MAST4: variants seen among roughly 807,000 people sequenced by gnomAD.
MAST4 encodes microtubule associated serine/threonine kinase family member 4, also known as microtubule-associated serine/threonine-protein kinase 4.
MAST4 carries 89 observed loss-of-function variants against 162.7 expected under a neutral mutation model. The observed-to-expected ratio is 0.55, with a 90% CI of 0.46 to 0.65. The LOEUF (loss-of-function observed/expected upper bound fraction) is 0.65, where lower values mean the gene tolerates loss of function less well. MAST4 is among the 30% of genes least tolerant of loss of function. The pLI, the probability that MAST4 is intolerant of heterozygous loss-of-function variation, is 0.00. For synonymous variants in MAST4, 1,479 were observed against 1,361.1 expected (o/e 1.09, Z -1.91); for missense variants, 3,153 against 3,374.0 (o/e 0.93, Z 1.62).
At chr5:66,987,791 G>A (rs1478520693) in intron 4 of MAST4, among the ~76,000 whole-genome samples, 1 of 152,056 alleles carries the variant, frequency 6.6e-6, no homozygotes, top group Non-Finnish European at 1.5e-5. Flanking sequence ...ATAAACTAAT[G>A]AGCCCCATCC....
Position 67,166,326 on chromosome 5 carries a change from G to A in MAST4, c.7147G>A (p.Glu2383Lys), listed in dbSNP as rs748107255. The A allele has an allele frequency of 5.6e-6, 9 of 1,594,502 alleles. No individual in the cohort carries two copies. The highest frequency in any genetic ancestry group is 7.7e-6 in the Non-Finnish European group (9 of 1,170,214). The change falls in exon 29 of 29, where the codon GAG becomes AAG. Residue 2383 changes from glutamate (E) to lysine (K), a missense_variant. Around this residue, in one of 7 missense-constraint regions of MAST4, gnomAD observed 1,644 missense variants for 1,495.0 expected, o/e 1.10. Transcript: ENST00000403625. ...KCTEALYAPA[E>K]GDKLEAGLSF... The stretch of plus-strand genomic sequence containing the variant: ...CACTGAAGCACTTTATGCTCCAGCA[G>A]AGGGCGACAAGCTCGAGGCCGGCCT...
chr5:66,994,230 C>T (rs2150291160), intron 4 of MAST4, among the ~76,000 whole-genome samples: 1 of 152,168 alleles, frequency 6.6e-6, no homozygotes, highest in African/African-American at 2.4e-5. Flanking sequence ...ATCTATTGTT[C>T]CTTTATCATT....
At position 67,163,887 on chromosome 5, in the gene MAST4, G is replaced by T; in HGVS notation, c.4708G>T (p.Glu1570Ter). ...GGAAAACTTTGCTCTGTTTAAGCTG[G>T]AAGAGAGAGAGAAGAAAGTCTATCC... ...DLENFALFKLEEREKKVYPKA... is the reference protein window; with the variant it reads ...DLENFALFKL Residue 1570 changes from glutamate to a stop codon, truncating the protein, a stop_gained, in exon 29 of 29, where the codon GAA becomes TAA. Transcript: ENST00000403625. LOFTEE classifies it low-confidence loss of function (END_TRUNC). The surrounding 1 kb of genome is among the most constrained non-coding windows in gnomAD (Gnocchi z 7.0). 1 of 1,614,028 alleles carries T rather than the reference G, an allele frequency of 6.2e-7. No homozygotes were observed. The highest frequency in any genetic ancestry group is 8.5e-7 in the Non-Finnish European group (1 of 1,179,888).
intron 1 of MAST4, among the ~76,000 whole-genome samples, chr5:66,693,565 T>G (rs1311871719): frequency 1.0e-5 from 1 of 99,806 alleles, no homozygotes; most frequent in Non-Finnish European, 2.0e-5. Context: ...GAAGATTTGT[T>G]AAATGCCTGC....
intron 19 of MAST4, among the ~76,000 whole-genome samples, chr5:67,139,431 C>T (rs1770096433): frequency 1.3e-5 from 2 of 152,302 alleles, no homozygotes; most frequent in Admixed American, 1.3e-4. Flanking sequence ...GCTACTGGAA[C>T]TACACTTTTG....
intron 4 of MAST4, among the ~76,000 whole-genome samples, chr5:66,911,182 G>A (rs537642931): frequency 5.9e-5 from 9 of 152,292 alleles, no homozygotes; most frequent in Admixed American, 3.9e-4. Context: ...CCCAGTGGCC[G>A]TGTGAGCTCT....
At chr5:67,080,023 A>G (rs536420551) in intron 5 of MAST4, among the ~76,000 whole-genome samples, 29 of 152,318 alleles carry the variant, frequency 1.9e-4, no homozygotes, top group Admixed American at 1.7e-3. Flanking sequence ...TAGAGTCGTC[A>G]CACCTGACCT....
chr5:66,740,021 G>T (rs1442622538), intron 1 of MAST4, among the ~76,000 whole-genome samples: 1 of 152,166 alleles, frequency 6.6e-6, no homozygotes, highest in Non-Finnish European at 1.5e-5. Flanking sequence ...GGGAATGTTG[G>T]GAGGTAGTGA....
At chr5:66,605,688 A>G (rs1742837423) in intron 1 of MAST4, among the ~76,000 whole-genome samples, 1 of 152,172 alleles carries the variant, frequency 6.6e-6, no homozygotes, top group African/African-American at 2.4e-5. Context: ...ACAGTCCCCA[A>G]AGAGCCTGTA....
chr5:66,719,994 T>C (rs1244663926), intron 1 of MAST4, among the ~76,000 whole-genome samples: 1 of 152,218 alleles, frequency 6.6e-6, no homozygotes, highest in East Asian at 1.9e-4. Context: ...GATATTCTTG[T>C]TCAAATGTAA....
At chr5:67,082,147 CTTTTTT>C (rs60811351) in intron 5 of MAST4, among the ~76,000 whole-genome samples, 1 of 125,780 alleles carries the variant, frequency 8.0e-6, no homozygotes, top group African/African-American at 3.1e-5. Context: ...TACCTGTAAT[CTTTTTT>C]TTTTTTTTTT....
intron 4 of MAST4, among the ~76,000 whole-genome samples, chr5:66,950,657 G>A (rs1009489633): frequency 2.6e-5 from 4 of 152,088 alleles, no homozygotes; most frequent in African/African-American, 9.7e-5. Flanking sequence ...TATTGTATGG[G>A]TAATACCACA....
chr5:66,730,200 C>G (rs1751755392), intron 1 of MAST4, among the ~76,000 whole-genome samples: 1 of 152,164 alleles, frequency 6.6e-6, no homozygotes, highest in South Asian at 2.1e-4. Context: ...AGATTTTACA[C>G]ATGAAGAAAA....
intron 3 of MAST4, among the ~76,000 whole-genome samples, chr5:66,879,078 G>A (rs771969610): frequency 3.3e-5 from 5 of 152,170 alleles, no homozygotes; most frequent in African/African-American, 4.8e-5. Context: ...AGGAGATGGC[G>A]ACCATCCTGG....
At chr5:66,607,004 C>A (rs1742936861) in intron 1 of MAST4, among the ~76,000 whole-genome samples, 2 of 151,828 alleles carry the variant, frequency 1.3e-5, no homozygotes, top group Admixed American at 1.3e-4. Context: ...CATTTTCACA[C>A]AAGCCTTTTT....
At chr5:66,949,263 T>C (rs148955658) in intron 4 of MAST4, among the ~76,000 whole-genome samples, 167 of 152,230 alleles carry the variant, frequency 1.1e-3, no homozygotes, top group African/African-American at 3.9e-3. Context: ...GGCAATGATA[T>C]GGTTTTGTCC....
rs371690918 is a variant in MAST4 at position 67,100,554 on chromosome 5, C to G, written c.1032C>G (p.Cys344Trp). Residue 344 changes from cysteine (C) to tryptophan (W), a missense_variant, in exon 8 of 29, where the codon TGC becomes TGG. By Grantham distance (215) the Cys-to-Trp change is radical. Transcript: ENST00000403625. ...TTESIATENRCRNTPMRPRSR... is the reference protein window; with the variant it reads ...TTESIATENRWRNTPMRPRSR... ...AAAGCATCGCCACTGAGAACAGATG[C>G]AGGAACACGCCGATGCGCCCCCGTT... 38 of 1,613,834 alleles carry G rather than the reference C, an allele frequency of 2.4e-5. No homozygotes were observed. The highest frequency in any genetic ancestry group is 3.2e-5 in the Non-Finnish European group (38 of 1,179,856).
chr5:66,808,439 G>T, intron 3 of MAST4, among the ~76,000 whole-genome samples: 1 of 151,274 alleles, frequency 6.6e-6, no homozygotes. Flanking sequence ...GTTTTTTTTT[G>T]GTTCAGAATA....
At chr5:67,076,108 A>C (rs1761615407) in intron 5 of MAST4, among the ~76,000 whole-genome samples, 1 of 152,106 alleles carries the variant, frequency 6.6e-6, no homozygotes, top group Non-Finnish European at 1.5e-5. Context: ...AGAAAAAAAA[A>C]ATTGAGCATG....
Sources: gnomAD v4.1 joint callset for allele counts (sites outside exome capture counted in the v4.1 genomes callset) on GRCh38, gnomAD v4.1.1 for gene constraint, gnomAD v4.1.1 regional missense constraint, Gnocchi (gnomAD v3.1) non-coding constraint, MANE v1.5 for transcripts, NCBI Gene and HGNC (gene_info 2026-07-23, HGNC 2026-07-21) for gene names.